Variants in HLA-DMA observed in about 807,000 individuals in gnomAD.
HLA-DMA encodes HLA class II histocompatibility antigen, DM alpha chain.
Under a neutral mutation model 27.3 loss-of-function variants are expected in HLA-DMA, and 20 were observed. The ratio of observed to expected loss-of-function variants is 0.73; its 90% CI spans 0.52 to 1.07. The LOEUF is 1.07. Ranked by LOEUF, HLA-DMA falls within the 50% of genes least tolerant of loss-of-function variation. HLA-DMA has a pLI of 0.00. For missense variants in HLA-DMA, 241 were observed against 321.7 expected (o/e 0.75, Z 1.92); for synonymous variants, 111 against 126.8 (o/e 0.88, Z 0.83).
At chr6:32,952,280 A>G (rs528448486) in intron 1 of HLA-DMA, 1 of 468,940 alleles carries the variant, frequency 2.1e-6, no homozygotes, top group Middle Eastern at 3.3e-4. Flanking sequence ...GTAAATTGGA[A>G]AACCTGTATC....
At position 32,949,337 on chromosome 6, in the gene HLA-DMA, G is replaced by A; in HGVS notation, c.715C>T (p.Leu239=). The stretch of plus-strand genomic sequence containing the variant: ...CCCACGATGATGCCCAGCACACCCA[G>A]GCCAAAGGCCACGCCACACAGCACA... The part of the protein sequence containing the change: ...ENVLCGVAFG[L]GVLGIIVGIV... The change falls in exon 4 of 5, where the codon CTG becomes TTG. Residue 239 remains leucine (L), a synonymous_variant. Coordinates refer to ENST00000374843, the MANE Select transcript of HLA-DMA (RefSeq NM_006120.4). The surrounding 1 kb of genome is among the most constrained non-coding windows in gnomAD (Gnocchi z 5.8). 6.2e-7 allele frequency: 1 copy of A among 1,614,160 alleles called. No individual in the cohort carries two copies. The highest frequency in any genetic ancestry group is 8.5e-7 in the Non-Finnish European group (1 of 1,180,034).
intron 1 of HLA-DMA, chr6:32,952,206 G>C: frequency 2.5e-6 from 1 of 406,134 alleles, no homozygotes; most frequent in Non-Finnish European, 5.1e-6. Context: ...GGAAAGAGGA[G>C]GAATGGCTAC....
At chr6:32,951,731 C>A (rs1317526293) in intron 1 of HLA-DMA, among the ~76,000 whole-genome samples, 1 of 151,874 alleles carries the variant, frequency 6.6e-6, no homozygotes, top group Non-Finnish European at 1.5e-5. Context: ...GAGTTTGAGA[C>A]CAGCCTGGCA....
In HLA-DMA at chr6:32,950,152, G is replaced by C; in HGVS notation, c.374-263C>G. ...CTTCCTTCAGCACTTCCTGTCTAGA[G>C]CTCACATTGATGTCTAACCATGCAC... On this transcript the variant is annotated intron_variant, in intron 2 of 4. Coordinates refer to ENST00000374843, the MANE Select transcript of HLA-DMA (RefSeq NM_006120.4). The surrounding 1 kb of genome is among the most constrained non-coding windows in gnomAD (Gnocchi z 5.0). 1.7e-6 allele frequency: 1 copy of C among 595,584 alleles called. No individual in the cohort carries two copies. Among genetic ancestry groups the C allele is most frequent in the Non-Finnish European group, 3.0e-6 (1 of 336,174 alleles). 36.9% of individuals were successfully genotyped at this position (595,584 alleles called of 1,614,324 possible).
rs747967581 is a variant in HLA-DMA, at chr6:32,949,325, C to A, written c.727G>T (p.Gly243Cys). 6 of 1,614,072 alleles carry A rather than the reference C, an allele frequency of 3.7e-6. No individual in the cohort carries two copies. The East Asian group carries it at 8.9e-5, about 24-fold the overall frequency. ...ATGAGAACAATGCCCACGATGATGC[C>A]CAGCACACCCAGGCCAAAGGCCACG... ...CGVAFGLGVL[G>C]IIVGIVLIIY... The change falls in exon 4 of 5, where the codon GGC becomes TGC. Residue 243 changes from glycine to cysteine, a missense_variant. Coordinates refer to ENST00000374843, the MANE Select transcript of HLA-DMA (RefSeq NM_006120.4). The surrounding 1 kb of genome is among the most constrained non-coding windows in gnomAD (Gnocchi z 5.8).
In HLA-DMA at chr6:32,949,897, G is replaced by A. The variant is rs750330834; in HGVS notation, c.374-8C>T. On this transcript the variant is annotated splice_region_variant and splice_polypyrimidine_tract_variant and intron_variant, in intron 2 of 4. Transcript: ENST00000374843. This position sits in a 1 kb window ranked among gnomAD's most constrained non-coding sequence, Gnocchi z 5.8. ...CTTCAGCGATAGGAAACCCTGGTGG[G>A]GGGATTGAAGTGTAGGGGGAAAAAG... The A allele has an allele frequency of 7.4e-6, 12 of 1,611,486 alleles. No individual in the cohort carries two copies. The highest frequency in any genetic ancestry group is 1.0e-5 in the Non-Finnish European group (12 of 1,178,920).
At position 32,949,626 on chromosome 6, in the gene HLA-DMA, C is replaced by T. The variant is rs1477449986; in HGVS notation, c.637G>A (p.Ala213Thr). The change falls in exon 3 of 5, where the codon GCA (alanine) becomes ACA (threonine). Residue 213 changes from alanine to threonine, a missense_variant. Transcript: ENST00000374843. The surrounding 1 kb of genome is among the most constrained non-coding windows in gnomAD (Gnocchi z 5.8). ...IVTHEIDRYT[A>T]IAYWVPRNAL... ...AAAGCCTCACCCCAATAGGCAATTGCTGTGTAGCGGTCAATTTCGTGAGTC... is the reference window on the plus strand; with the variant it reads ...AAAGCCTCACCCCAATAGGCAATTGTTGTGTAGCGGTCAATTTCGTGAGTC... 1 of 1,613,124 alleles carries T rather than the reference C, an allele frequency of 6.2e-7. No homozygotes were observed. Among genetic ancestry groups the T allele is most frequent in the African/African-American group, 1.3e-5 (1 of 75,038 alleles).
chr6:32,949,991 C>A lies in HLA-DMA; in HGVS notation c.374-102G>T, dbSNP rs1582839599. The A allele has an allele frequency of 1.8e-6, 2 of 1,139,984 alleles. No individual in the cohort carries two copies. The highest frequency in any genetic ancestry group is 2.4e-5 in the East Asian group (1 of 42,276). 70.6% of individuals were successfully genotyped at this position (1,139,984 alleles called of 1,614,324 possible). ...ATATGGAGGGGAGGGCAGAGAAGAA[C>A]ACAGTGGGTCAGGCTTTGGGAGACA... On this transcript the variant is annotated intron_variant, in intron 2 of 4. Transcript: ENST00000374843. This position sits in a 1 kb window ranked among gnomAD's most constrained non-coding sequence, Gnocchi z 5.8.
rs1776846753 is a variant in HLA-DMA, at chr6:32,950,506, G to T, written c.373+13C>A. 1 of 1,612,846 alleles carries T rather than the reference G, an allele frequency of 6.2e-7. No individual in the cohort carries two copies. The highest frequency in any genetic ancestry group is 8.5e-7 in the Non-Finnish European group (1 of 1,179,872). On this transcript the variant is annotated intron_variant, in intron 2 of 4. Transcript: ENST00000374843. This position sits in a 1 kb window ranked among gnomAD's most constrained non-coding sequence, Gnocchi z 5.0. ...GCAGCCCTCCTCCCTTCACTCCCCAGAAAACTCCTGACCTCTGGACACCGG... is the reference window on the plus strand; with the variant it reads ...GCAGCCCTCCTCCCTTCACTCCCCATAAAACTCCTGACCTCTGGACACCGG...
At position 32,950,351 on chromosome 6, in the gene HLA-DMA, C is replaced by T; in HGVS notation, c.373+168G>A. 1.2e-6 allele frequency: 1 copy of T among 817,490 alleles called. No homozygotes were observed. The highest frequency in any genetic ancestry group is 1.7e-5 in the South Asian group (1 of 59,654). The allele number at this position is 817,490 out of a possible 1,614,324, so 50.6% of individuals were successfully genotyped here. A position where few individuals can be genotyped will look rare whatever the true frequency, so the allele number is the denominator to read the frequency against. ...CTACTACATGCTAGGTACTTCGGCC[C>T]ACCAAAAGAACACAGGGTGCAGACC... On this transcript the variant is annotated intron_variant, in intron 2 of 4. Transcript: ENST00000374843. The surrounding 1 kb of genome is among the most constrained non-coding windows in gnomAD (Gnocchi z 5.0).
rs1776794589 is a variant in HLA-DMA at position 32,949,470 on chromosome 6, G to T, written c.653-71C>A. 1.5e-5 allele frequency: 24 copies of T among 1,606,572 alleles called. No homozygotes were observed. Among genetic ancestry groups the T allele is most frequent in the Non-Finnish European group, 2.0e-5 (24 of 1,174,270 alleles). On this transcript the variant is annotated intron_variant, in intron 3 of 4. Coordinates refer to ENST00000374843, the MANE Select transcript of HLA-DMA (RefSeq NM_006120.4). This position sits in a 1 kb window ranked among gnomAD's most constrained non-coding sequence, Gnocchi z 5.8. The stretch of plus-strand genomic sequence containing the variant: ...TCCCACCCAGGGAAATGACGTGGGT[G>T]TCTGGGATGACATGGGAGACTGGGA...
chr6:32,949,391 T>C lies in HLA-DMA; in HGVS notation c.661A>G (p.Asn221Asp). The change falls in exon 4 of 5, where the codon AAC becomes GAC. Residue 221 changes from asparagine (N) to aspartate (D), a missense_variant. Asn to Asp is a conservative substitution (Grantham distance 23, BLOSUM62 1). Coordinates refer to ENST00000374843, the MANE Select transcript of HLA-DMA (RefSeq NM_006120.4). This position sits in a 1 kb window ranked among gnomAD's most constrained non-coding sequence, Gnocchi z 5.8. ...YTAIAYWVPR[N>D]ALPSDLLENV... ...TCCAGCAGATCTGAGGGCAGTGCGT[T>C]CCGGGGTACTGGAGGAAATGAGTGG... 6.2e-7 allele frequency: 1 copy of C among 1,613,932 alleles called. No individual in the cohort carries two copies. The highest frequency in any genetic ancestry group is 8.5e-7 in the Non-Finnish European group (1 of 1,179,928).
intron 4 of HLA-DMA, 28 bp from the exon 5 acceptor site, chr6:32,948,896 G>T: frequency 6.2e-7 from 1 of 1,611,796 alleles, no homozygotes; most frequent in Non-Finnish European, 8.5e-7. Flanking sequence ...ATGGAGGAAA[G>T]GCATCAGGGG....
In HLA-DMA at chr6:32,953,093, A is replaced by C. The variant is rs2127483166; in HGVS notation, c.-57T>G. 2.3e-6 allele frequency: 3 copies of C among 1,318,994 alleles called. No individual in the cohort carries two copies. Among genetic ancestry groups the C allele is most frequent in the Admixed American group, 3.7e-5 (2 of 54,314 alleles). The allele number at this position is 1,318,994 out of a possible 1,614,324, so 81.7% of individuals were successfully genotyped here. Reference sequence around the variant, plus strand: ...CAACCCAGCCAACCCAGCTTCCCCAACTCCCTCCCCGAGAGGGTGGCCTTA... The same window carrying C: ...CAACCCAGCCAACCCAGCTTCCCCACCTCCCTCCCCGAGAGGGTGGCCTTA... On this transcript the variant is annotated 5_prime_UTR_variant, in exon 1 of 5. Coordinates refer to ENST00000374843, the MANE Select transcript of HLA-DMA (RefSeq NM_006120.4).
chr6:32,950,346 C>G lies in HLA-DMA; in HGVS notation c.373+173G>C, dbSNP rs1035914752. ...AATGCCTACTACATGCTAGGTACTT[C>G]GGCCCACCAAAAGAACACAGGGTGC... is the stretch of plus-strand genomic sequence containing the variant. On this transcript the variant is annotated intron_variant, in intron 2 of 4. Transcript: ENST00000374843. The surrounding 1 kb of genome is among the most constrained non-coding windows in gnomAD (Gnocchi z 5.0). 1 of 764,116 alleles carries G rather than the reference C, an allele frequency of 1.3e-6. No homozygotes were observed. Among genetic ancestry groups the G allele is most frequent in the East Asian group, 2.5e-5 (1 of 40,680 alleles). 47.3% of individuals were successfully genotyped at this position (764,116 alleles called of 1,614,324 possible). A position where few individuals can be genotyped will look rare whatever the true frequency, so the allele number is the denominator to read the frequency against.
In HLA-DMA at chr6:32,950,384, G is replaced by T; in HGVS notation, c.373+135C>A. ...GAACACAGGGTGCAGACCAAGGCTG[G>T]TGGAAAAATTAAGGTGATGAAGAGA... On this transcript the variant is annotated intron_variant, in intron 2 of 4. Coordinates refer to ENST00000374843, the MANE Select transcript of HLA-DMA (RefSeq NM_006120.4). This position sits in a 1 kb window ranked among gnomAD's most constrained non-coding sequence, Gnocchi z 5.0. The T allele has an allele frequency of 1.8e-6, 2 of 1,115,762 alleles. No individual in the cohort carries two copies. Among genetic ancestry groups the T allele is most frequent in the Non-Finnish European group, 2.6e-6 (2 of 761,944 alleles). The allele number at this position is 1,115,762 out of a possible 1,614,324, so 69.1% of individuals were successfully genotyped here.
Position 32,950,556 on chromosome 6 carries a change from T to C in HLA-DMA, c.336A>G (p.Ile112Met), listed in dbSNP as rs1272518818. The change falls in exon 2 of 5, where the codon ATA becomes ATG. Residue 112 changes from isoleucine (I) to methionine (M), a missense_variant. Physicochemically the swap from Ile to Met is conservative, Grantham distance 10. Transcript: ENST00000374843. This position sits in a 1 kb window ranked among gnomAD's most constrained non-coding sequence, Gnocchi z 5.0. ...KEFCEWMIQQ[I>M]GPKLDGKIPV... is the part of the protein sequence containing the mutation. The stretch of plus-strand genomic sequence containing the variant: ...GGATTTTCCCATCAAGTTTTGGCCC[T>C]ATTTGCTGGATCATCCACTCGCAGA... 6.2e-7 allele frequency: 1 copy of C among 1,612,982 alleles called. No individual in the cohort carries two copies. Among genetic ancestry groups the C allele is most frequent in the Non-Finnish European group, 8.5e-7 (1 of 1,180,048 alleles).
chr6:32,948,981 G>T, intron 4 of HLA-DMA, 113 bp from the exon 5 acceptor site: 1 of 1,233,834 alleles, frequency 8.1e-7, no homozygotes, highest in African/African-American at 1.5e-5. Context: ...ACCACACCCT[G>T]CAGAAGTTGA....
At position 32,949,170 on chromosome 6, in the gene HLA-DMA, G is replaced by A. The variant is rs373304159; in HGVS notation, c.781+101C>T. The A allele has an allele frequency of 9.3e-6, 14 of 1,506,134 alleles. No individual in the cohort carries two copies. Among genetic ancestry groups the A allele is most frequent in the African/African-American group, 5.5e-5 (4 of 72,794 alleles). The allele number at this position is 1,506,134 out of a possible 1,614,324, so 93.3% of individuals were successfully genotyped here. On this transcript the variant is annotated intron_variant, in intron 4 of 4. Coordinates refer to ENST00000374843, the MANE Select transcript of HLA-DMA (RefSeq NM_006120.4). This position sits in a 1 kb window ranked among gnomAD's most constrained non-coding sequence, Gnocchi z 5.8. ...CCCCACACCCAAGGGCCTGAGGATCGCTATATGTCCCCCCATGCCACAAAA... is the reference window on the plus strand; with the variant it reads ...CCCCACACCCAAGGGCCTGAGGATCACTATATGTCCCCCCATGCCACAAAA...
Sources: gnomAD v4.1 joint callset for allele counts (sites outside exome capture counted in the v4.1 genomes callset) on GRCh38, gnomAD v4.1.1 for gene constraint, Gnocchi (gnomAD v3.1) non-coding constraint, MANE v1.5 for transcripts, NCBI Gene and HGNC (gene_info 2026-07-23, HGNC 2026-07-21) for gene names.